The following FRMPD4 variants were observed in gnomAD, a reference collection of about 807,000 sequenced individuals.
FRMPD4 encodes FERM and PDZ domain-containing protein 4.
Under a neutral mutation model 94.1 loss-of-function variants are expected in FRMPD4, and 22 were observed. The observed-to-expected ratio is 0.23, with a 90% CI of 0.17 to 0.33. FRMPD4 has a LOEUF of 0.33. Among genes scored for constraint, FRMPD4 ranks in the 10% least tolerant of loss-of-function variants. The probability of loss-of-function intolerance (pLI) is 1.00; values close to 1 mark genes in which losing one functional copy is unlikely to be tolerated. For synonymous variants in FRMPD4, 631 were observed against 548.6 expected (o/e 1.15, Z -2.10); for missense variants, 1,111 against 1,339.9 (o/e 0.83, Z 2.67).
intron 1 of FRMPD4, among the ~76,000 whole-genome samples, chrX:12,472,709 A>G (rs2057529237): frequency 8.9e-6 from 1 of 112,130 alleles, no homozygotes; most frequent in African/African-American, 3.2e-5. Context: ...AAGAAAGGGT[A>G]TCAGTGATAG....
chrX:12,165,642 G>A (rs1315248941), intron 1 of FRMPD4, among the ~76,000 whole-genome samples: 3 of 111,702 alleles, frequency 2.7e-5, no homozygotes, highest in Admixed American at 9.5e-5. Flanking sequence ...ACCTTGGGCA[G>A]TATGGCCATT....
At chrX:12,083,124 T>C (rs1249150078) in intron 3 of FRMPD4, among the ~76,000 whole-genome samples, 1 of 112,680 alleles carries the variant, frequency 8.9e-6, no homozygotes, top group Non-Finnish European at 1.9e-5. Context: ...TGAGAGACCT[T>C]CATGGCATCC....
intron 4 of FRMPD4, among the ~76,000 whole-genome samples, chrX:12,615,334 G>C (rs2059225902): frequency 8.9e-6 from 1 of 112,414 alleles, no homozygotes; most frequent in Non-Finnish European, 1.9e-5. Context: ...TGAAATTTGA[G>C]ATTATCAACT....
intron 1 of FRMPD4, chrX:12,373,330 A>G (rs947301873): frequency 1.8e-5 from 2 of 112,151 alleles, no homozygotes; most frequent in African/African-American, 6.5e-5. Flanking sequence ...CTCCTATGAC[A>G]TTGCACTCCC....
intron 1 of FRMPD4, among the ~76,000 whole-genome samples, chrX:12,401,595 A>G (rs2056609777): frequency 8.9e-6 from 1 of 112,291 alleles, no homozygotes; most frequent in African/African-American, 3.2e-5. Flanking sequence ...TGGAAATAAG[A>G]AAAGAGGAAT....
intron 3 of FRMPD4, among the ~76,000 whole-genome samples, chrX:12,067,765 T>C (rs950646352): frequency 8.9e-6 from 1 of 112,011 alleles, no homozygotes; most frequent in African/African-American, 3.2e-5. Context: ...TCAAGTTCTG[T>C]CACAGTTTTG....
chrX:12,485,143 T>G (rs189818014), intron 1 of FRMPD4, among the ~76,000 whole-genome samples: 182 of 112,417 alleles, frequency 1.6e-3, no homozygotes, highest in African/African-American at 5.6e-3. Flanking sequence ...AGGGAGGAGA[T>G]GCCATTATTG....
At chrX:11,856,515 TA>T (rs200631254) in intron 1 of FRMPD4, among the ~76,000 whole-genome samples, 1 of 111,381 alleles carries the variant, frequency 9.0e-6, no homozygotes, top group Admixed American at 9.5e-5. Flanking sequence ...CCATTAATGT[TA>T]AAAAAACTCT....
At chrX:12,297,616 T>C (rs2054792764) in intron 1 of FRMPD4, among the ~76,000 whole-genome samples, 1 of 111,260 alleles carries the variant, frequency 9.0e-6, no homozygotes, top group Non-Finnish European at 1.9e-5. Context: ...GAGAGAACTA[T>C]AGGAGAGAAG....
At chrX:12,474,553 T>C (rs897000543) in intron 1 of FRMPD4, among the ~76,000 whole-genome samples, 2 of 111,252 alleles carry the variant, frequency 1.8e-5, no homozygotes, top group Admixed American at 9.5e-5. Context: ...ACAAAACTGA[T>C]AGACCACTAG....
At chrX:12,070,297 A>AT (rs199733656) in intron 3 of FRMPD4, among the ~76,000 whole-genome samples, 1,981 of 110,814 alleles carry the variant, frequency 0.018, 21 homozygotes, top group Middle Eastern at 0.064. Flanking sequence ...TTAATAGAGA[A>AT]TTTTTTTCCC....
At chrX:12,674,537 T>C (rs1409510338) in intron 4 of FRMPD4, among the ~76,000 whole-genome samples, 1 of 112,102 alleles carries the variant, frequency 8.9e-6, no homozygotes, top group East Asian at 2.8e-4. Context: ...GCAAAAAATA[T>C]AGAGATTTGG....
chrX:12,512,631 A>G (rs771701993), intron 2 of FRMPD4, among the ~76,000 whole-genome samples: 1 of 112,660 alleles, frequency 8.9e-6, no homozygotes, highest in Non-Finnish European at 1.9e-5. Flanking sequence ...ATTGATGGGC[A>G]TTTAGATTGA....
At chrX:12,115,912 G>A (rs1028900962) in intron 3 of FRMPD4, among the ~76,000 whole-genome samples, 1 of 111,895 alleles carries the variant, frequency 8.9e-6, no homozygotes, top group Non-Finnish European at 1.9e-5. Flanking sequence ...TGTAGTCGCG[G>A]AAACATTTTT....
At chrX:12,375,978 C>A (rs2056231702) in intron 1 of FRMPD4, among the ~76,000 whole-genome samples, 1 of 112,008 alleles carries the variant, frequency 8.9e-6, no homozygotes, top group African/African-American at 3.2e-5. Flanking sequence ...AGAAATATTT[C>A]TTTGAGAAAT....
intron 4 of FRMPD4, among the ~76,000 whole-genome samples, chrX:12,670,037 C>T (rs2059823191): frequency 8.9e-6 from 1 of 112,320 alleles, no homozygotes; most frequent in African/African-American, 3.2e-5. Flanking sequence ...CTGCTCCTAA[C>T]AGCTACTGCA....
At chrX:12,627,224 C>T (rs1392556487) in intron 4 of FRMPD4, among the ~76,000 whole-genome samples, 2 of 111,813 alleles carry the variant, frequency 1.8e-5, no homozygotes, top group African/African-American at 3.3e-5. Flanking sequence ...TTTAGTGAGC[C>T]GAGATCACGC....
intron 2 of FRMPD4, among the ~76,000 whole-genome samples, chrX:12,587,349 A>G (rs1480853055): frequency 9.0e-6 from 1 of 111,625 alleles, no homozygotes; most frequent in Non-Finnish European, 1.9e-5. Context: ...TACATTCATA[A>G]TGTTTTGCAA....
intron 3 of FRMPD4, among the ~76,000 whole-genome samples, chrX:12,040,792 G>A (rs1275024970): frequency 9.1e-6 from 1 of 110,050 alleles, no homozygotes; most frequent in African/African-American, 3.3e-5. Context: ...GCCTCCCAAA[G>A]TGCTGGGATT....
Sources: gnomAD v4.1 joint callset for allele counts (sites outside exome capture counted in the v4.1 genomes callset) on GRCh38, gnomAD v4.1.1 for gene constraint, MANE v1.5 for transcripts, NCBI Gene and HGNC (gene_info 2026-07-23, HGNC 2026-07-21) for gene names.